Variants in RBFOX1 observed in about 807,000 individuals in gnomAD.
The protein encoded by RBFOX1 is RNA binding fox-1 homolog 1.
In RBFOX1, 8 loss-of-function variants were observed where a neutral mutation model predicts 57.7. The ratio of observed to expected loss-of-function variants is 0.14; its 90% confidence interval spans 0.08 to 0.25. The LOEUF (loss-of-function observed/expected upper bound fraction) is 0.25, where lower values mean the gene tolerates loss of function less well. Among genes scored for constraint, RBFOX1 ranks in the 10% least tolerant of loss-of-function variants. RBFOX1 has a pLI of 1.00. For synonymous variants in RBFOX1, 326 were observed against 222.4 expected (o/e 1.47, Z -4.15); for missense variants, 611 against 548.5 (o/e 1.11, Z -1.14).
At chr16:6,894,895 T>G (rs541579605) in intron 3 of RBFOX1, among the ~76,000 whole-genome samples, 6 of 152,184 alleles carry the variant, frequency 3.9e-5, no homozygotes, top group African/African-American at 1.4e-4. Flanking sequence ...AAGTAGCATG[T>G]GGCTTTCTCA....
rs117159165 is a variant in RBFOX1, at chr16:7,366,347, G to A, written c.28-151800G>A. 3.6e-3 allele frequency among the ~76,000 whole-genome samples: 545 copies of A among 152,304 alleles called. 1 individual carries two copies. Among genetic ancestry groups the A allele is most frequent in the South Asian group, 6.4e-3 (31 of 4,824 alleles). ...CCTGGCTGAAAATCACAAAGGCACG[G>A]CACCTAGAGAGGAAACGAAGGCTGT... On this transcript the variant is annotated intron_variant, in intron 4 of 15. Transcript: ENST00000550418.
intron 1 of RBFOX1, among the ~76,000 whole-genome samples, chr16:5,315,504 C>G (rs2064212511): frequency 6.6e-6 from 1 of 152,126 alleles, no homozygotes; most frequent in African/African-American, 2.4e-5. Flanking sequence ...GTAGCTGCAC[C>G]CCAAGCTGTC....
intron 3 of RBFOX1, among the ~76,000 whole-genome samples, chr16:6,854,891 G>A (rs1344094998): frequency 6.6e-6 from 1 of 151,970 alleles, no homozygotes; most frequent in East Asian, 1.9e-4. Context: ...ACCGCGCCCA[G>A]CCGAGGTGAA....
At chr16:7,626,252 G>C (rs755499215) in intron 10 of RBFOX1, among the ~76,000 whole-genome samples, 2 of 152,202 alleles carry the variant, frequency 1.3e-5, no homozygotes, top group African/African-American at 2.4e-5. Flanking sequence ...TCCTGTCTGT[G>C]ATGGGAAACA....
chr16:7,373,134 G>A (rs114443075), intron 4 of RBFOX1, among the ~76,000 whole-genome samples: 1,530 of 152,014 alleles, frequency 0.01, 25 homozygotes, highest in African/African-American at 0.035. Context: ...GTGTTTCACC[G>A]TGTTAGCCAG....
chr16:5,410,759 A>G (rs1304677279), intron 1 of RBFOX1, among the ~76,000 whole-genome samples: 1 of 146,774 alleles, frequency 6.8e-6, no homozygotes, highest in East Asian at 2.0e-4. Context: ...TCCTGTTTAC[A>G]ATGCCCTGTC....
chr16:7,006,450 G>T (rs575732343), intron 3 of RBFOX1, among the ~76,000 whole-genome samples: 1 of 152,132 alleles, frequency 6.6e-6, no homozygotes, highest in African/African-American at 2.4e-5. Context: ...ACTGCGCCCG[G>T]CCAAACAAGT....
intron 3 of RBFOX1, among the ~76,000 whole-genome samples, chr16:5,654,580 G>A (rs1424570384): frequency 6.6e-6 from 1 of 152,090 alleles, no homozygotes; most frequent in Non-Finnish European, 1.5e-5. Flanking sequence ...TGTGCTGGAT[G>A]TGAAAACACC....
intron 3 of RBFOX1, among the ~76,000 whole-genome samples, chr16:6,888,456 C>G (rs1364985304): frequency 6.6e-6 from 1 of 152,124 alleles, no homozygotes; most frequent in East Asian, 1.9e-4. Flanking sequence ...CACTTACTGT[C>G]TTGGGTTTCA....
At chr16:5,489,498 T>C (rs1274750301) in intron 2 of RBFOX1, among the ~76,000 whole-genome samples, 1 of 152,232 alleles carries the variant, frequency 6.6e-6, no homozygotes, top group Non-Finnish European at 1.5e-5. Context: ...TGTCTGACCT[T>C]GGGCAGGATG....
At chr16:6,384,157 T>G (rs1357376659) in intron 2 of RBFOX1, among the ~76,000 whole-genome samples, 3 of 151,776 alleles carry the variant, frequency 2.0e-5, no homozygotes, top group African/African-American at 7.3e-5. Context: ...GGATCATTAA[T>G]CTAAGTATTC....
chr16:7,500,511 A>G (rs907971776), intron 4 of RBFOX1, among the ~76,000 whole-genome samples: 2 of 152,210 alleles, frequency 1.3e-5, no homozygotes, highest in African/African-American at 4.8e-5. Context: ...GTAGATATGC[A>G]TCATGCATCT....
intron 4 of RBFOX1, among the ~76,000 whole-genome samples, chr16:7,187,270 A>G (rs2084089214): frequency 6.6e-6 from 1 of 151,858 alleles, no homozygotes; most frequent in Admixed American, 6.5e-5. Context: ...AACACAGGAT[A>G]TAAATAATTA....
chr16:6,066,972 AG>A (rs2095773134), intron 1 of RBFOX1, among the ~76,000 whole-genome samples: 1 of 151,632 alleles, frequency 6.6e-6, no homozygotes. Flanking sequence ...GGGGCGGGGG[AG>A]GGCGGCAGGG....
chr16:6,231,241 T>TAG (rs2097457667), intron 1 of RBFOX1, among the ~76,000 whole-genome samples: 3 of 128,360 alleles, frequency 2.3e-5, no homozygotes, highest in African/African-American at 8.8e-5. Flanking sequence ...TGTGTGTAGG[T>TAG]GTGTGTGTGT....
intron 4 of RBFOX1, among the ~76,000 whole-genome samples, chr16:7,374,205 A>T (rs911919190): frequency 6.6e-6 from 1 of 152,086 alleles, no homozygotes; most frequent in South Asian, 2.1e-4. Flanking sequence ...AATTTTGGGG[A>T]TTCAATATGG....
At chr16:5,445,954 G>C (rs1194753375) in intron 1 of RBFOX1, among the ~76,000 whole-genome samples, 1 of 152,216 alleles carries the variant, frequency 6.6e-6, no homozygotes, top group African/African-American at 2.4e-5. Flanking sequence ...GAAGAACATT[G>C]AGTTTGAAGA....
intron 1 of RBFOX1, among the ~76,000 whole-genome samples, chr16:5,414,034 A>G (rs2067094176): frequency 6.6e-6 from 1 of 152,152 alleles, no homozygotes; most frequent in South Asian, 2.1e-4. Flanking sequence ...CTGCAGGGAG[A>G]TAAAGAAGGA....
chr16:6,263,460 C>T (rs545717327), intron 1 of RBFOX1, among the ~76,000 whole-genome samples: 2 of 152,262 alleles, frequency 1.3e-5, no homozygotes, highest in African/African-American at 4.8e-5. Flanking sequence ...AGGTACATTT[C>T]TGGAATCGCC....
Sources: gnomAD v4.1 joint callset for allele counts (sites outside exome capture counted in the v4.1 genomes callset) on GRCh38, gnomAD v4.1.1 for gene constraint, MANE v1.5 for transcripts, NCBI Gene and HGNC (gene_info 2026-07-23, HGNC 2026-07-21) for gene names.